SLC2A13: variants seen among roughly 807,000 people sequenced by gnomAD.
The protein encoded by SLC2A13 is proton myo-inositol cotransporter.
A neutral mutation model predicts 64.4 loss-of-function variants in SLC2A13; 32 were observed. That is an observed-to-expected ratio of 0.50 (90% CI 0.37 to 0.67). SLC2A13 has a LOEUF of 0.67. Among genes scored for constraint, SLC2A13 ranks in the 30% least tolerant of loss-of-function variants. SLC2A13 has a pLI of 0.00. For synonymous variants in SLC2A13, 338 were observed against 327.1 expected, an observed-to-expected ratio of 1.03 and a Z score of -0.36; for missense variants, 743 against 829.2, an observed-to-expected ratio of 0.90 and a Z score of 1.28.
At chr12:39,811,915 G>A (rs1942174796) in intron 7 of SLC2A13, among the ~76,000 whole-genome samples, 2 of 152,044 alleles carry the variant, frequency 1.3e-5, no homozygotes, top group East Asian at 3.9e-4. Flanking sequence ...TCTTTTATTG[G>A]AGTTTCTAAA....
intron 3 of SLC2A13, among the ~76,000 whole-genome samples, chr12:40,011,159 T>C (rs1484958405): frequency 1.3e-5 from 2 of 152,062 alleles, no homozygotes; most frequent in East Asian, 3.9e-4. Flanking sequence ...ATAATAACGG[T>C]AGGCAGGGTT....
intron 7 of SLC2A13, among the ~76,000 whole-genome samples, chr12:39,796,587 T>G (rs993672716): frequency 2.0e-5 from 3 of 152,178 alleles, no homozygotes; most frequent in African/African-American, 7.2e-5. Flanking sequence ...GATAGTGAGC[T>G]GGCAGAAGCT....
chr12:39,972,195 T>C (rs1040043914), intron 3 of SLC2A13, among the ~76,000 whole-genome samples: 24 of 137,740 alleles, frequency 1.7e-4, no homozygotes, highest in African/African-American at 6.3e-4. Flanking sequence ...AAGTAGGCTC[T>C]TCACTGATGG....
chr12:39,761,414 A>G (rs1940142259), intron 9 of SLC2A13, among the ~76,000 whole-genome samples: 1 of 152,072 alleles, frequency 6.6e-6, no homozygotes, highest in Non-Finnish European at 1.5e-5. Flanking sequence ...CCCAACTGTA[A>G]AGAATAGAAA....
chr12:40,022,746 G>A (rs1592015398), intron 3 of SLC2A13, among the ~76,000 whole-genome samples: 1 of 152,060 alleles, frequency 6.6e-6, no homozygotes, highest in Admixed American at 6.5e-5. Context: ...GCTGAGGCAG[G>A]GGAATCACTT....
intron 1 of SLC2A13, among the ~76,000 whole-genome samples, chr12:40,088,827 T>C (rs778332816): frequency 5.9e-4 from 89 of 152,086 alleles, no homozygotes; most frequent in Admixed American, 3.9e-4. Context: ...ATAAATTCCT[T>C]GGTGAAGTAT....
At chr12:39,928,861 G>A (rs940970805) in intron 4 of SLC2A13, among the ~76,000 whole-genome samples, 5 of 152,182 alleles carry the variant, frequency 3.3e-5, no homozygotes, top group Non-Finnish European at 5.9e-5. Flanking sequence ...ACTCTGGAAA[G>A]TCTTAAGAAT....
chr12:40,097,389 T>G (rs1938984457), intron 1 of SLC2A13, among the ~76,000 whole-genome samples: 1 of 152,032 alleles, frequency 6.6e-6, no homozygotes, highest in Admixed American at 6.5e-5. Flanking sequence ...TACATCAAAC[T>G]TAAAAACTGT....
At chr12:40,036,916 C>A (rs1947996951) in intron 2 of SLC2A13, among the ~76,000 whole-genome samples, 1 of 152,080 alleles carries the variant, frequency 6.6e-6, no homozygotes, top group Non-Finnish European at 1.5e-5. Flanking sequence ...TGGATGTCAT[C>A]TTCTACTCTG....
chr12:39,974,169 T>C (rs937407749), intron 3 of SLC2A13, among the ~76,000 whole-genome samples: 2 of 152,222 alleles, frequency 1.3e-5, no homozygotes, highest in African/African-American at 4.8e-5. Context: ...AATATATGAG[T>C]TAGTGTTATC....
intron 3 of SLC2A13, among the ~76,000 whole-genome samples, chr12:39,988,120 T>A (rs1048743833): frequency 1.3e-5 from 2 of 152,206 alleles, no homozygotes; most frequent in African/African-American, 4.8e-5. Flanking sequence ...TTTGCATATA[T>A]GTAGGGACAG....
At chr12:39,834,381 C>G (rs1238303578) in intron 6 of SLC2A13, among the ~76,000 whole-genome samples, 1 of 152,046 alleles carries the variant, frequency 6.6e-6, no homozygotes, top group East Asian at 1.9e-4. Flanking sequence ...GCTCTGAAAA[C>G]AAGTGTTCCA....
chr12:40,082,284 A>G (rs1938433896), intron 1 of SLC2A13, among the ~76,000 whole-genome samples: 1 of 152,192 alleles, frequency 6.6e-6, no homozygotes, highest in African/African-American at 2.4e-5. Context: ...CAAACAGTAA[A>G]TTCAGCCATA....
chr12:39,988,687 GAGGGAGGAAGGA>G lies in SLC2A13; in HGVS notation c.926-37334_926-37323del, dbSNP rs1274608313. ...GGAGGGAGGGAGGGAAGAAGGGAGG[GAGGGAGGAAGGA>G]AGGAAGGAAGGAAGGAAGGAAGGAA... On this transcript the variant is annotated intron_variant, in intron 3 of 9. Coordinates refer to ENST00000280871, the MANE Select transcript of SLC2A13 (RefSeq NM_052885.4). 1.9e-4 allele frequency among the ~76,000 whole-genome samples: 19 copies of G among 100,834 alleles called. 1 individual carries two copies. Among genetic ancestry groups the G allele is most frequent in the South Asian group, 4.8e-4 (1 of 2,068 alleles). The allele number at this position is 100,834 out of a possible 152,430, so 66.2% of individuals were successfully genotyped here. A position where few individuals can be genotyped will look rare whatever the true frequency, so the allele number is the denominator to read the frequency against.
At chr12:39,968,403 T>C (rs2136124892) in intron 3 of SLC2A13, among the ~76,000 whole-genome samples, 1 of 152,216 alleles carries the variant, frequency 6.6e-6, no homozygotes, top group South Asian at 2.1e-4. Flanking sequence ...TTATGGGAAC[T>C]ACAATTCAAG....
At chr12:40,104,162 T>C (rs1056678060) in intron 1 of SLC2A13, among the ~76,000 whole-genome samples, 2 of 152,040 alleles carry the variant, frequency 1.3e-5, no homozygotes, top group Non-Finnish European at 2.9e-5. Flanking sequence ...GCCCCAGCCA[T>C]AGGGAAGAAA....
rs1216456348 is a variant in SLC2A13, at chr12:39,951,358, A to G, written c.933T>C (p.Pro311=). The change falls in exon 4 of 10, where the codon CCT becomes CCC. Residue 311 remains proline (P), a synonymous_variant. Transcript: ENST00000280871. ...GATAACTCAGCATTCTGCAGATCAC[A>G]GGTCCAGCTTTTTTAAGAAAGAAAG... The part of the protein sequence containing the change: ...EEEKEVGSAG[P]VICRMLSYPP... 4.5e-6 allele frequency: 7 copies of G among 1,564,834 alleles called. No individual in the cohort carries two copies. The African/African-American group carries it at 5.6e-5, about 12-fold the overall frequency.
chr12:40,003,764 T>C (rs1947359181), intron 3 of SLC2A13, among the ~76,000 whole-genome samples: 1 of 152,044 alleles, frequency 6.6e-6, no homozygotes, highest in Admixed American at 6.6e-5. Flanking sequence ...TCTCATATAA[T>C]ACCACACACA....
At chr12:40,051,588 A>C (rs1166627690) in intron 1 of SLC2A13, among the ~76,000 whole-genome samples, 2 of 152,166 alleles carry the variant, frequency 1.3e-5, no homozygotes, top group Non-Finnish European at 2.9e-5. Flanking sequence ...GCCCAGCCTG[A>C]AGAGTCAGAG....
Sources: gnomAD v4.1 joint callset for allele counts (sites outside exome capture counted in the v4.1 genomes callset) on GRCh38, gnomAD v4.1.1 for gene constraint, MANE v1.5 for transcripts, NCBI Gene and HGNC (gene_info 2026-07-23, HGNC 2026-07-21) for gene names.